Variants in ZNF385D observed in about 807,000 individuals in gnomAD.
The protein encoded by ZNF385D is zinc finger protein 659.
In ZNF385D, 15 loss-of-function variants were observed where a neutral mutation model predicts 35.8. The observed-to-expected ratio is 0.42, with a 90% CI of 0.28 to 0.64. The LOEUF is 0.64. ZNF385D is among the 30% of genes least tolerant of loss of function. The probability of loss-of-function intolerance (pLI) is 0.23; values close to 1 mark genes in which losing one functional copy is unlikely to be tolerated. For synonymous variants in ZNF385D, 212 were observed against 186.8 expected (o/e 1.13, Z -1.10); for missense variants, 474 against 494.6 (o/e 0.96, Z 0.39).
At chr3:21,797,455 T>A (rs1324039403) in intron 3 of ZNF385D, among the ~76,000 whole-genome samples, 1 of 152,202 alleles carries the variant, frequency 6.6e-6, no homozygotes, top group African/African-American at 2.4e-5. Context: ...AAACATATTC[T>A]TATTTTATGA....
chr3:21,938,002 T>A (rs1049912488), intron 3 of ZNF385D, among the ~76,000 whole-genome samples: 5 of 152,202 alleles, frequency 3.3e-5, no homozygotes, highest in African/African-American at 1.2e-4. Flanking sequence ...TTTCCAGAAG[T>A]AATATAACAC....
chr3:22,059,194 G>C (rs1699567440), intron 3 of ZNF385D, among the ~76,000 whole-genome samples: 1 of 152,132 alleles, frequency 6.6e-6, no homozygotes. Flanking sequence ...CCTCTGGTCA[G>C]GACTGAGCAT....
chr3:21,613,924 T>C (rs968819631), intron 2 of ZNF385D, among the ~76,000 whole-genome samples: 1 of 152,184 alleles, frequency 6.6e-6, no homozygotes, highest in Non-Finnish European at 1.5e-5. Flanking sequence ...ACCCCAAATA[T>C]AAGAATGACT....
chr3:21,643,950 C>CT (rs1199382476), intron 2 of ZNF385D, among the ~76,000 whole-genome samples: 4 of 152,110 alleles, frequency 2.6e-5, no homozygotes, highest in Admixed American at 2.6e-4. Flanking sequence ...GGGATAGACT[C>CT]TGAGTGCATC....
At chr3:22,360,033 G>A (rs979644414) in intron 2 of ZNF385D, among the ~76,000 whole-genome samples, 1 of 151,814 alleles carries the variant, frequency 6.6e-6, no homozygotes, top group Non-Finnish European at 1.5e-5. Context: ...AACAGCTTTG[G>A]CTGGGATTAC....
chr3:21,524,868 G>A (rs992400221), intron 3 of ZNF385D, among the ~76,000 whole-genome samples: 2 of 152,174 alleles, frequency 1.3e-5, no homozygotes, highest in Non-Finnish European at 2.9e-5. Flanking sequence ...CTTAATGAAT[G>A]TTATTAACAT....
At chr3:21,729,172 C>A (rs2068889745) in intron 1 of ZNF385D, among the ~76,000 whole-genome samples, 2 of 152,130 alleles carry the variant, frequency 1.3e-5, no homozygotes. Flanking sequence ...TTCTACCATT[C>A]TGGTTTTACT....
chr3:22,286,589 TGTG>T (rs1375545438), intron 2 of ZNF385D, among the ~76,000 whole-genome samples: 2 of 152,144 alleles, frequency 1.3e-5, no homozygotes, highest in African/African-American at 4.8e-5. Flanking sequence ...TAAGGCGATA[TGTG>T]GTGTTTTCAT....
At chr3:22,154,026 A>G (rs1234485616) in intron 3 of ZNF385D, among the ~76,000 whole-genome samples, 4 of 151,948 alleles carry the variant, frequency 2.6e-5, no homozygotes, top group Admixed American at 1.3e-4. Context: ...CTTACTTTCC[A>G]TTTCATTTTC....
intron 2 of ZNF385D, among the ~76,000 whole-genome samples, chr3:22,210,129 T>G (rs946354500): frequency 3.3e-5 from 5 of 151,844 alleles, no homozygotes; most frequent in African/African-American, 1.2e-4. Flanking sequence ...AAAGATTGTG[T>G]GGAAGGCAAG....
chr3:21,514,984 G>A lies in ZNF385D; in HGVS notation c.277-3961C>T, dbSNP rs1374817339. On this transcript the variant is annotated intron_variant, in intron 3 of 7. Coordinates refer to ENST00000281523, the MANE Select transcript of ZNF385D (RefSeq NM_024697.3). ...TGACATTAAAGATATGCACACACGCGTTCCTGTAGAACAGAACGCCATTTT... is the reference window on the plus strand; with the variant it reads ...TGACATTAAAGATATGCACACACGCATTCCTGTAGAACAGAACGCCATTTT... Among the ~76,000 whole-genome samples, 4 of 152,002 alleles carry A rather than the reference G, an allele frequency of 2.6e-5. No individual in the cohort carries two copies. In the East Asian group the frequency reaches 5.8e-4, roughly 22 times the overall value.
chr3:22,320,085 G>A (rs1467086430), intron 2 of ZNF385D, among the ~76,000 whole-genome samples: 2 of 150,806 alleles, frequency 1.3e-5, no homozygotes, highest in Non-Finnish European at 1.5e-5. Context: ...GGAGTACATA[G>A]GTGCTTCATG....
chr3:22,264,215 AG>A (rs1247576095), intron 2 of ZNF385D, among the ~76,000 whole-genome samples: 1 of 152,022 alleles, frequency 6.6e-6, no homozygotes, highest in African/African-American at 2.4e-5. Flanking sequence ...TGACAAAGTG[AG>A]GCTGGTAATA....
chr3:21,997,210 A>T (rs188588952), intron 3 of ZNF385D, among the ~76,000 whole-genome samples: 17 of 152,316 alleles, frequency 1.1e-4, no homozygotes, highest in Admixed American at 1.0e-3. Flanking sequence ...GACATGGATG[A>T]AGCTGGAAAC....
intron 3 of ZNF385D, among the ~76,000 whole-genome samples, chr3:22,045,677 C>T (rs1472005317): frequency 1.3e-5 from 2 of 152,050 alleles, no homozygotes; most frequent in Non-Finnish European, 2.9e-5. Flanking sequence ...AATTTTATGT[C>T]TAATATGCTG....
chr3:21,531,793 G>A (rs1012509741), intron 3 of ZNF385D, among the ~76,000 whole-genome samples: 1 of 152,196 alleles, frequency 6.6e-6, no homozygotes, highest in Non-Finnish European at 1.5e-5. Flanking sequence ...AGGCAATGAA[G>A]CTATTCTGTA....
At chr3:22,348,188 G>A (rs535736437) in intron 2 of ZNF385D, among the ~76,000 whole-genome samples, 1 of 152,110 alleles carries the variant, frequency 6.6e-6, no homozygotes, top group East Asian at 1.9e-4. Context: ...TGTTACAAAG[G>A]CATTGTTATG....
intron 2 of ZNF385D, among the ~76,000 whole-genome samples, chr3:21,604,561 C>T (rs148932222): frequency 5.9e-5 from 9 of 152,034 alleles, no homozygotes; most frequent in Non-Finnish European, 1.5e-5. Context: ...ATTTTGTGTT[C>T]CAGAGGCCAC....
At chr3:21,797,965 A>T (rs1484524231) in intron 3 of ZNF385D, among the ~76,000 whole-genome samples, 1 of 152,200 alleles carries the variant, frequency 6.6e-6, no homozygotes, top group Non-Finnish European at 1.5e-5. Flanking sequence ...TTAGAAGTGT[A>T]TTCAAACCCA....
Sources: allele counts gnomAD v4.1 joint callset (sites outside exome capture counted in the v4.1 genomes callset), GRCh38; gene constraint gnomAD v4.1.1; transcripts MANE v1.5; gene names NCBI Gene and HGNC (gene_info 2026-07-23, HGNC 2026-07-21).